The following GRB2 variants were observed in gnomAD, a reference collection of about 807,000 sequenced individuals.
The protein encoded by GRB2 is growth factor receptor bound protein 2.
In GRB2, 2 loss-of-function variants were observed where a neutral mutation model predicts 27.4. The observed-to-expected ratio is 0.07, with a 90% CI of 0.03 to 0.23. The LOEUF is 0.23. Among genes scored for constraint, GRB2 ranks in the 10% least tolerant of loss-of-function variants. GRB2 has a pLI of 1.00. For synonymous variants in GRB2, 94 were observed against 99.6 expected (o/e 0.94, Z 0.33); for missense variants, 102 against 282.4 (o/e 0.36, Z 4.58).
At chr17:75,357,401 T>G (rs2078740248) in intron 2 of GRB2, among the ~76,000 whole-genome samples, 1 of 152,210 alleles carries the variant, frequency 6.6e-6, no homozygotes, top group Non-Finnish European at 1.5e-5. Flanking sequence ...TATTGGCTCA[T>G]TAATAGTAAA....
Position 75,346,578 on chromosome 17 carries a change from C to CTTTTTTTTT in GRB2, c.79-13790_79-13782dup, listed in dbSNP as rs775027742. Among the ~76,000 whole-genome samples the CTTTTTTTTT allele has an allele frequency of 8.7e-5, 6 of 68,722 alleles. 2 individuals are homozygous for CTTTTTTTTT. Among genetic ancestry groups the CTTTTTTTTT allele is most frequent in the Non-Finnish European group, 9.9e-5 (4 of 40,528 alleles). 45.1% of individuals were successfully genotyped at this position (68,722 alleles called of 152,430 possible). On this transcript the variant is annotated intron_variant, in intron 2 of 5. Transcript: ENST00000316804. ...TCCAGTTACACCTTGCTTTTCTTGC[C>CTTTTTTTTT]TTTTTTTTTTTTTTTTTTTTTTTGA...
At chr17:75,335,530 C>G (rs1359014908) in intron 2 of GRB2, among the ~76,000 whole-genome samples, 2 of 152,136 alleles carry the variant, frequency 1.3e-5, no homozygotes, top group African/African-American at 4.8e-5. Context: ...GACAACTAGC[C>G]AGGCTGCATT....
Position 75,322,899 on chromosome 17 carries a change from C to A in GRB2, c.300-1072G>T, listed in dbSNP as rs183455684. Among the ~76,000 whole-genome samples the A allele has an allele frequency of 3.0e-3, 455 of 152,150 alleles. 4 individuals carry two copies. The highest frequency in any genetic ancestry group is 0.011 in the African/African-American group (439 of 41,502). On this transcript the variant is annotated intron_variant, in intron 4 of 5. Transcript: ENST00000316804. ...CTTTGGGAGGCCGAGGTGGGCGGATCATAAGGTCAGGATATCGAGACCACC... is the reference window on the plus strand; with the variant it reads ...CTTTGGGAGGCCGAGGTGGGCGGATAATAAGGTCAGGATATCGAGACCACC...
intron 2 of GRB2, among the ~76,000 whole-genome samples, chr17:75,393,229 T>C (rs967496186): frequency 6.6e-6 from 1 of 152,204 alleles, no homozygotes; most frequent in Non-Finnish European, 1.5e-5. Flanking sequence ...ATTTTTAAAA[T>C]AAAACTCTAC....
chr17:75,349,076 G>C (rs2078672298), intron 2 of GRB2, among the ~76,000 whole-genome samples: 1 of 152,202 alleles, frequency 6.6e-6, no homozygotes, highest in South Asian at 2.1e-4. Flanking sequence ...TCTAGGAATA[G>C]GGCAAGAACC....
intron 1 of GRB2, among the ~76,000 whole-genome samples, chr17:75,400,027 T>C (rs2079054507): frequency 6.6e-6 from 1 of 151,844 alleles, no homozygotes; most frequent in African/African-American, 2.4e-5. Context: ...GACAGGGTCT[T>C]GCTCTGTCAC....
At chr17:75,403,418 A>T (rs1222610880) in intron 1 of GRB2, among the ~76,000 whole-genome samples, 1 of 152,048 alleles carries the variant, frequency 6.6e-6, no homozygotes, top group Admixed American at 6.6e-5. Flanking sequence ...AGTATTTAAA[A>T]CCCAGCAAGC....
intron 2 of GRB2, among the ~76,000 whole-genome samples, chr17:75,364,591 T>A (rs1002144452): frequency 3.3e-5 from 5 of 152,062 alleles, no homozygotes; most frequent in African/African-American, 1.2e-4. Flanking sequence ...TCCCTCCCTG[T>A]GTTGTTTTAT....
intron 5 of GRB2, among the ~76,000 whole-genome samples, chr17:75,321,366 AG>A (rs1014706071): frequency 1.2e-4 from 18 of 151,908 alleles, no homozygotes; most frequent in African/African-American, 3.9e-4. Context: ...TAGTAGCGAC[AG>A]GGTTTCACCA....
intron 2 of GRB2, among the ~76,000 whole-genome samples, chr17:75,374,211 G>T (rs2078875973): frequency 6.6e-6 from 1 of 151,652 alleles, no homozygotes; most frequent in Non-Finnish European, 1.5e-5. Context: ...TTTGAGACCA[G>T]CCTGGCCATT....
intron 2 of GRB2, among the ~76,000 whole-genome samples, chr17:75,340,642 A>G (rs895586745): frequency 3.3e-5 from 5 of 152,206 alleles, no homozygotes; most frequent in Non-Finnish European, 5.9e-5. Context: ...CTGATTACGT[A>G]TTTTATTAGA....
intron 2 of GRB2, among the ~76,000 whole-genome samples, chr17:75,350,398 T>C (rs2078683095): frequency 1.3e-5 from 2 of 152,222 alleles, no homozygotes; most frequent in Admixed American, 1.3e-4. Flanking sequence ...GTGTAAGTTC[T>C]ATGAGTCCAG....
chr17:75,376,247 A>C (rs2078892823), intron 2 of GRB2, among the ~76,000 whole-genome samples: 1 of 146,852 alleles, frequency 6.8e-6, no homozygotes, highest in African/African-American at 2.5e-5. Context: ...TGGGAGGCTG[A>C]GGCAGGAGAA....
At chr17:75,358,525 G>A (rs1239111241) in intron 2 of GRB2, among the ~76,000 whole-genome samples, 1 of 151,668 alleles carries the variant, frequency 6.6e-6, no homozygotes, top group Non-Finnish European at 1.5e-5. Context: ...ATCCTAAAAC[G>A]GAGAAACATG....
At chr17:75,375,842 G>A (rs1041687831) in intron 2 of GRB2, among the ~76,000 whole-genome samples, 2 of 151,508 alleles carry the variant, frequency 1.3e-5, no homozygotes, top group African/African-American at 4.8e-5. Flanking sequence ...TGGCTAACAC[G>A]GTGAAACCCT....
intron 2 of GRB2, among the ~76,000 whole-genome samples, chr17:75,337,901 CTATTAT>C (rs71361670): frequency 0.03 from 3,476 of 116,894 alleles, 94 homozygotes; most frequent in Middle Eastern, 0.096. Flanking sequence ...ACTACTACTA[CTATTAT>C]TATTATTATT....
intron 2 of GRB2, among the ~76,000 whole-genome samples, chr17:75,350,769 G>T (rs543807683): frequency 8.5e-4 from 129 of 152,336 alleles, no homozygotes; most frequent in African/African-American, 3.0e-3. Flanking sequence ...TGGGATTACA[G>T]GCGTGAAGCA....
chr17:75,346,578 C>CTTTTTTTTTTTT (rs775027742), intron 2 of GRB2, among the ~76,000 whole-genome samples: 1 of 68,724 alleles, frequency 1.5e-5, no homozygotes, highest in Non-Finnish European at 2.5e-5. Flanking sequence ...CTTTTCTTGC[C>CTTTTTTTTTTTT]TTTTTTTTTT....
At chr17:75,354,663 T>G (rs1383071388) in intron 2 of GRB2, among the ~76,000 whole-genome samples, 1 of 152,188 alleles carries the variant, frequency 6.6e-6, no homozygotes, top group Non-Finnish European at 1.5e-5. Context: ...GGTTGGGGAC[T>G]GCTGGATTCA....
Sources: gnomAD v4.1 joint callset for allele counts (sites outside exome capture counted in the v4.1 genomes callset) on GRCh38, gnomAD v4.1.1 for gene constraint, MANE v1.5 for transcripts, NCBI Gene and HGNC (gene_info 2026-07-23, HGNC 2026-07-21) for gene names.